ARHGAP10: variants seen among roughly 807,000 people sequenced by gnomAD.
The protein encoded by ARHGAP10 is Rho GTPase activating protein 10, also known as rho GTPase-activating protein 10.
In ARHGAP10, 87 loss-of-function variants were observed where a neutral mutation model predicts 108.6. That is an observed-to-expected ratio of 0.80 (90% confidence interval 0.67 to 0.96). The LOEUF (loss-of-function observed/expected upper bound fraction) is 0.96, where lower values mean the gene tolerates loss of function less well. Among genes scored for constraint, ARHGAP10 ranks in the 40% least tolerant of loss-of-function variants. The probability of loss-of-function intolerance (pLI) is 0.00; values close to 1 mark genes in which losing one functional copy is unlikely to be tolerated. For missense variants in ARHGAP10, 939 were observed against 954.5 expected (o/e 0.98, Z 0.21); for synonymous variants, 347 against 341.1 (o/e 1.02, Z -0.19).
At chr4:147,996,793 T>TG (rs1740494991) in intron 18 of ARHGAP10, among the ~76,000 whole-genome samples, 1 of 152,148 alleles carries the variant, frequency 6.6e-6, no homozygotes, top group Admixed American at 6.5e-5. Context: ...GTCATGAAGG[T>TG]GGGGTCCTAA....
intron 10 of ARHGAP10, among the ~76,000 whole-genome samples, chr4:147,898,964 C>G (rs55771362): frequency 0.04 from 6,151 of 152,240 alleles, 393 homozygotes; most frequent in African/African-American, 0.14. Flanking sequence ...CACCAGATCC[C>G]TTTCTCGACA....
chr4:147,933,127 G>A (rs1252137933), intron 13 of ARHGAP10, among the ~76,000 whole-genome samples: 2 of 152,128 alleles, frequency 1.3e-5, no homozygotes, highest in African/African-American at 4.8e-5. Context: ...ATTTCTTTGA[G>A]AGATTGCATG....
chr4:147,986,406 G>A (rs1435426772), intron 18 of ARHGAP10, among the ~76,000 whole-genome samples: 1 of 152,172 alleles, frequency 6.6e-6, no homozygotes. Context: ...GTCTGATGAA[G>A]TATATACAAA....
intron 18 of ARHGAP10, among the ~76,000 whole-genome samples, chr4:147,982,966 G>T (rs929333253): frequency 4.0e-5 from 6 of 150,188 alleles, no homozygotes; most frequent in Middle Eastern, 3.6e-3. Context: ...TTGCAGCCTC[G>T]ACTTTCTGGG....
intron 1 of ARHGAP10, among the ~76,000 whole-genome samples, chr4:147,757,753 T>G (rs952236586): frequency 6.6e-5 from 10 of 152,338 alleles, no homozygotes; most frequent in Non-Finnish European, 1.0e-4. Flanking sequence ...TAAGAGAATC[T>G]GGTTGGCCCA....
At chr4:148,041,103 A>T (rs1728615866) in intron 19 of ARHGAP10, among the ~76,000 whole-genome samples, 1 of 152,134 alleles carries the variant, frequency 6.6e-6, no homozygotes, top group Non-Finnish European at 1.5e-5. Context: ...ATTAAATTCA[A>T]CTAATATATT....
chr4:147,761,437 T>C (rs1475632480), intron 1 of ARHGAP10, among the ~76,000 whole-genome samples: 2 of 152,250 alleles, frequency 1.3e-5, no homozygotes, highest in Non-Finnish European at 2.9e-5. Context: ...CACATTTGTA[T>C]GTGGCTTCTT....
chr4:147,872,922 T>C (rs1734894789), intron 7 of ARHGAP10, among the ~76,000 whole-genome samples: 1 of 152,210 alleles, frequency 6.6e-6, no homozygotes, highest in African/African-American at 2.4e-5. Flanking sequence ...TTCCTAAGGC[T>C]GTCTGCTGAG....
chr4:147,997,952 A>G (rs2149641757), intron 18 of ARHGAP10, among the ~76,000 whole-genome samples: 1 of 152,318 alleles, frequency 6.6e-6, no homozygotes, highest in South Asian at 2.1e-4. Context: ...AAAATTATAG[A>G]ATATCTAGAA....
chr4:147,766,825 TA>T (rs1393062002), intron 1 of ARHGAP10, among the ~76,000 whole-genome samples: 18 of 122,038 alleles, frequency 1.5e-4, no homozygotes, highest in African/African-American at 5.2e-4. Context: ...TATATATATA[TA>T]TATATATATA....
intron 18 of ARHGAP10, among the ~76,000 whole-genome samples, chr4:148,014,565 A>G (rs575355016): frequency 1.7e-4 from 26 of 152,352 alleles, no homozygotes; most frequent in African/African-American, 6.3e-4. Flanking sequence ...TGAGCGTATT[A>G]TCAAAGTTAT....
chr4:147,848,314 C>T (rs1286176632), intron 4 of ARHGAP10, among the ~76,000 whole-genome samples: 1 of 152,230 alleles, frequency 6.6e-6, no homozygotes, highest in East Asian at 1.9e-4. Context: ...AATTGAGGCT[C>T]AGACCCTGTG....
At chr4:148,023,524 C>T in intron 19 of ARHGAP10, 111 bp downstream of exon 19, 1 of 1,192,488 alleles carries the variant, frequency 8.4e-7, no homozygotes, top group Non-Finnish European at 1.1e-6. Flanking sequence ...TTTCTTCTTC[C>T]CTTAAGATTA....
intron 3 of ARHGAP10, among the ~76,000 whole-genome samples, chr4:147,844,581 A>C (rs1397573642): frequency 2.6e-5 from 4 of 152,194 alleles, no homozygotes; most frequent in Admixed American, 2.6e-4. Context: ...AGAACATGTG[A>C]TGCTTGTCTG....
chr4:147,984,321 A>G (rs1232384521), intron 18 of ARHGAP10, among the ~76,000 whole-genome samples: 1 of 151,668 alleles, frequency 6.6e-6, no homozygotes, highest in African/African-American at 2.4e-5. Flanking sequence ...TTCAGCCCAA[A>G]CTCTCCAGGC....
At chr4:148,003,833 C>T (rs1046419555) in intron 18 of ARHGAP10, among the ~76,000 whole-genome samples, 3 of 114,444 alleles carry the variant, frequency 2.6e-5, no homozygotes, top group African/African-American at 5.0e-5. Flanking sequence ...TTCCTGAATA[C>T]AGCACACTGA....
intron 1 of ARHGAP10, among the ~76,000 whole-genome samples, chr4:147,797,240 A>C (rs927157353): frequency 2.0e-5 from 3 of 151,932 alleles, no homozygotes; most frequent in Non-Finnish European, 4.4e-5. Flanking sequence ...TCTGTGTTTA[A>C]AATTCTTCCA....
chr4:147,802,834 A>C (rs1160620183), intron 1 of ARHGAP10, among the ~76,000 whole-genome samples: 1 of 152,212 alleles, frequency 6.6e-6, no homozygotes, highest in Non-Finnish European at 1.5e-5. Flanking sequence ...TGTTTTCTGC[A>C]TGTTCTGTTT....
chr4:147,770,645 C>T (rs1730039265), intron 1 of ARHGAP10, among the ~76,000 whole-genome samples: 1 of 152,098 alleles, frequency 6.6e-6, no homozygotes, highest in African/African-American at 2.4e-5. Context: ...CTTCTTTGTA[C>T]CAAGCTAAGT....
Sources: gnomAD v4.1 joint callset for allele counts (sites outside exome capture counted in the v4.1 genomes callset) on GRCh38, gnomAD v4.1.1 for gene constraint, MANE v1.5 for transcripts, NCBI Gene and HGNC (gene_info 2026-07-23, HGNC 2026-07-21) for gene names.